TSPEAR: variants seen among roughly 807,000 people sequenced by gnomAD.
TSPEAR encodes thrombospondin type laminin G domain and EAR repeats.
TSPEAR carries 69 observed loss-of-function variants against 71.6 expected under a neutral mutation model. The ratio of observed to expected loss-of-function variants is 0.96; its 90% CI spans 0.79 to 1.18. TSPEAR has a LOEUF of 1.18. Ranked by LOEUF, TSPEAR falls within the 50% of genes most tolerant of loss-of-function variation. The pLI is 0.00. For synonymous variants in TSPEAR, 402 were observed against 387.2 expected (o/e 1.04, Z -0.45); for missense variants, 971 against 894.9 (o/e 1.09, Z -1.09).
intron 2 of TSPEAR, among the ~76,000 whole-genome samples, chr21:44,561,787 AT>A (rs1455454364): frequency 6.6e-6 from 1 of 152,220 alleles, no homozygotes; most frequent in Non-Finnish European, 1.5e-5. Context: ...ACATCCCTTC[AT>A]GTTAAAAACT....
chr21:44,591,879 G>A (rs782410154), intron 1 of TSPEAR: 15 of 1,609,656 alleles, frequency 9.3e-6, no homozygotes, highest in Admixed American at 1.7e-5. Flanking sequence ...GTGTGCAGGA[G>A]CTGGTGCAGC....
At chr21:44,631,072 G>A (rs1983226067) in intron 1 of TSPEAR, among the ~76,000 whole-genome samples, 4 of 94,124 alleles carry the variant, frequency 4.2e-5, no homozygotes. Context: ...TTCATTCGCA[G>A]TAAAGAAAGA....
At position 44,711,274 on chromosome 21, in the gene TSPEAR, C is replaced by T. The variant is rs1184435060; in HGVS notation, c.82+159G>A. Among the ~76,000 whole-genome samples, 6 of 152,154 alleles carry T rather than the reference C, an allele frequency of 3.9e-5. No homozygotes were observed. Among genetic ancestry groups the T allele is most frequent in the African/African-American group, 1.4e-4 (6 of 41,422 alleles). The stretch of plus-strand genomic sequence containing the variant: ...ATCTTCCCCACCTGTGCTCCTCCCG[C>T]CTCTGCCCATCTCCACAGGGTGCTA... On this transcript the variant is annotated intron_variant, in intron 1 of 11. Coordinates refer to ENST00000323084, the MANE Select transcript of TSPEAR (RefSeq NM_144991.3). The surrounding 1 kb of genome is among the most constrained non-coding windows in gnomAD (Gnocchi z 4.5).
chr21:44,629,375 A>G (rs954744813), intron 1 of TSPEAR, among the ~76,000 whole-genome samples: 4 of 152,102 alleles, frequency 2.6e-5, no homozygotes, highest in Non-Finnish European at 5.9e-5. Flanking sequence ...TGGTTCCCGA[A>G]GACTCTCTCT....
chr21:44,539,422 G>A (rs1555916825), intron 2 of TSPEAR: 5 of 1,602,946 alleles, frequency 3.1e-6, no homozygotes, highest in Non-Finnish European at 4.3e-6. Flanking sequence ...GCATACAGCA[G>A]GCGGGCCGGC....
chr21:44,587,579 C>A, intron 1 of TSPEAR, among the ~76,000 whole-genome samples: 1 of 152,116 alleles, frequency 6.6e-6, no homozygotes, highest in Non-Finnish European at 1.5e-5. Flanking sequence ...CAAAGCAAGA[C>A]TAAGCAAAAA....
intron 1 of TSPEAR, among the ~76,000 whole-genome samples, chr21:44,657,104 T>C (rs1008699242): frequency 9.2e-5 from 14 of 152,070 alleles, no homozygotes; most frequent in South Asian, 6.2e-4. Context: ...CATGGCCACA[T>C]TGTCTCCTCA....
intron 1 of TSPEAR, chr21:44,574,414 G>T (rs1555923361): frequency 3.1e-6 from 5 of 1,602,762 alleles, no homozygotes; most frequent in Admixed American, 3.4e-5. Context: ...CCGGCTTGCT[G>T]CACCTCCTCC....
chr21:44,571,654 G>A (rs587752332), intron 1 of TSPEAR, among the ~76,000 whole-genome samples: 5 of 152,334 alleles, frequency 3.3e-5, no homozygotes, highest in African/African-American at 4.8e-5. Context: ...AGTAAGAAAG[G>A]TCAGGGAGGG....
chr21:44,702,631 C>T (rs1601583351), intron 1 of TSPEAR: 1 of 1,600,274 alleles, frequency 6.2e-7, no homozygotes, highest in East Asian at 2.2e-5. Context: ...CCTCTGCCAC[C>T]CTGTGTGCAG....
chr21:44,591,203 G>A (rs1374587652), intron 1 of TSPEAR: 7 of 1,278,570 alleles, frequency 5.5e-6, no homozygotes, highest in Non-Finnish European at 7.4e-6. Context: ...CTTGGGTCTG[G>A]GGGAGTAGCT....
chr21:44,656,174 A>T (rs752389598), intron 1 of TSPEAR, among the ~76,000 whole-genome samples: 1 of 152,240 alleles, frequency 6.6e-6, no homozygotes, highest in African/African-American at 2.4e-5. Flanking sequence ...CTAGTCACCA[A>T]GTAATCCATT....
At chr21:44,697,986 C>T (rs1569266312) in intron 1 of TSPEAR, 5 of 1,578,594 alleles carry the variant, frequency 3.2e-6, no homozygotes, top group Non-Finnish European at 4.3e-6. Flanking sequence ...GCATGTCCCC[C>T]AGGGCCACTG....
At chr21:44,653,051 G>A (rs958003454) in intron 1 of TSPEAR, among the ~76,000 whole-genome samples, 10 of 152,058 alleles carry the variant, frequency 6.6e-5, no homozygotes, top group Non-Finnish European at 1.2e-4. Flanking sequence ...CCAGATACTC[G>A]GGAGGCTGAG....
intron 4 of TSPEAR, among the ~76,000 whole-genome samples, chr21:44,530,515 GCATCCATC>G (rs112821244): frequency 1.4e-5 from 2 of 147,436 alleles, no homozygotes; most frequent in Admixed American, 6.7e-5. Context: ...ATCTCTCCAC[GCATCCATC>G]CATCCATCCA....
intron 1 of TSPEAR, among the ~76,000 whole-genome samples, chr21:44,660,180 A>C (rs1199122041): frequency 6.6e-6 from 1 of 152,212 alleles, no homozygotes; most frequent in Admixed American, 6.5e-5. Flanking sequence ...AAAGAGAAGA[A>C]AGAGAGGGCA....
chr21:44,665,433 G>A (rs1229544910), intron 1 of TSPEAR, among the ~76,000 whole-genome samples: 3 of 152,232 alleles, frequency 2.0e-5, no homozygotes, highest in Non-Finnish European at 4.4e-5. Context: ...AGCCCAGACA[G>A]GGGAAATGCA....
At chr21:44,603,976 GCTCA>G (rs1395365270) in intron 1 of TSPEAR, among the ~76,000 whole-genome samples, 3 of 151,852 alleles carry the variant, frequency 2.0e-5, no homozygotes, top group African/African-American at 7.2e-5. Flanking sequence ...GAGACTGCGG[GCTCA>G]CTGTCTCCCT....
chr21:44,612,025 T>C lies in TSPEAR; in HGVS notation c.83-44020A>G, dbSNP rs1981708832. ...GTGAGGAAAATACCCAGGGAGGGTATAAAACCTCAGCAGCCAGGGCACACA... is the reference window on the plus strand; with the variant it reads ...GTGAGGAAAATACCCAGGGAGGGTACAAAACCTCAGCAGCCAGGGCACACA... On this transcript the variant is annotated intron_variant, in intron 1 of 11. Coordinates refer to ENST00000323084, the MANE Select transcript of TSPEAR (RefSeq NM_144991.3). The surrounding 1 kb of genome is among the most constrained non-coding windows in gnomAD (Gnocchi z 4.1). 1.4e-6 allele frequency: 2 copies of C among 1,473,956 alleles called. No homozygotes were observed. Among genetic ancestry groups the C allele is most frequent in the Admixed American group, 1.8e-5 (1 of 55,922 alleles). 91.3% of individuals were successfully genotyped at this position (1,473,956 alleles called of 1,614,324 possible). A position where few individuals can be genotyped will look rare whatever the true frequency, so the allele number is the denominator to read the frequency against.
Sources: allele counts gnomAD v4.1 joint callset (sites outside exome capture counted in the v4.1 genomes callset), GRCh38; gene constraint gnomAD v4.1.1; non-coding constraint Gnocchi (gnomAD v3.1); transcripts MANE v1.5; gene names NCBI Gene and HGNC (gene_info 2026-07-23, HGNC 2026-07-21).